Variants in TBC1D14 observed in about 807,000 individuals in gnomAD.
The protein encoded by TBC1D14 is TBC1 domain family, member 14.
TBC1D14 carries 26 observed loss-of-function variants against 79.0 expected under a neutral mutation model. The ratio of observed to expected loss-of-function variants is 0.33; its 90% confidence interval spans 0.24 to 0.46. TBC1D14 has a LOEUF of 0.46. Among genes scored for constraint, TBC1D14 ranks in the 20% least tolerant of loss-of-function variants. The probability of loss-of-function intolerance (pLI) is 1.00; values close to 1 mark genes in which losing one functional copy is unlikely to be tolerated. For missense variants in TBC1D14, 769 were observed against 887.6 expected (o/e 0.87, Z 1.70); for synonymous variants, 394 against 349.9 (o/e 1.13, Z -1.40).
At chr4:6,960,341 C>A (rs1379723891) in intron 2 of TBC1D14, among the ~76,000 whole-genome samples, 5 of 151,996 alleles carry the variant, frequency 3.3e-5, no homozygotes, top group African/African-American at 9.7e-5. Context: ...ATCCGCCCAC[C>A]CCTGCCTCCC....
At chr4:6,956,179 A>C (rs957557391) in intron 2 of TBC1D14, among the ~76,000 whole-genome samples, 1 of 152,256 alleles carries the variant, frequency 6.6e-6, no homozygotes, top group East Asian at 1.9e-4. Context: ...TTCTTAGAGA[A>C]TTCCCCAAAC....
At chr4:6,959,984 A>G (rs1324349823) in intron 2 of TBC1D14, among the ~76,000 whole-genome samples, 1 of 151,888 alleles carries the variant, frequency 6.6e-6, no homozygotes, top group African/African-American at 2.4e-5. Context: ...TAAATTTTTT[A>G]TGAACTTTTT....
At chr4:6,965,927 C>G (rs888539067) in intron 2 of TBC1D14, among the ~76,000 whole-genome samples, 2 of 152,208 alleles carry the variant, frequency 1.3e-5, no homozygotes, top group African/African-American at 4.8e-5. Flanking sequence ...GAGACACTTT[C>G]AAACTGTGTA....
chr4:6,954,321 G>C (rs1219462234), intron 2 of TBC1D14: 1 of 717,374 alleles, frequency 1.4e-6, no homozygotes, highest in African/African-American at 1.7e-5. Flanking sequence ...TCTCCCCTGC[G>C]CTCCTGTTCA....
chr4:6,988,358 T>C (rs1233207940), intron 3 of TBC1D14, among the ~76,000 whole-genome samples: 3 of 152,266 alleles, frequency 2.0e-5, no homozygotes, highest in Non-Finnish European at 2.9e-5. Context: ...CTGCAGCTTA[T>C]GCTGGTTCTC....
At chr4:7,024,326 C>T (rs894028028) in intron 12 of TBC1D14, among the ~76,000 whole-genome samples, 28 of 152,202 alleles carry the variant, frequency 1.8e-4, no homozygotes, top group African/African-American at 6.0e-4. Context: ...ATACTGAACT[C>T]CGTAAGAGAG....
At chr4:6,954,190 T>C (rs1279024925) in intron 2 of TBC1D14, 1 of 676,318 alleles carries the variant, frequency 1.5e-6, no homozygotes, top group East Asian at 2.7e-5. Context: ...GGGCTCCGAG[T>C]GCACCCATGG....
Position 7,010,790 on chromosome 4 carries a change from C to T in TBC1D14, c.1647+9C>T, listed in dbSNP as rs200597249. Reference sequence around the variant, plus strand: ...GAGTGGACCATGGCCTTGTGAGTATCCTCTGTGTTCGGGCCCTGGGTACTG... The same window carrying T: ...GAGTGGACCATGGCCTTGTGAGTATTCTCTGTGTTCGGGCCCTGGGTACTG... On this transcript the variant is annotated intron_variant, in intron 11 of 13. Coordinates refer to ENST00000409757, the MANE Select transcript of TBC1D14 (RefSeq NM_020773.3). 861 of 1,612,508 alleles carry T rather than the reference C, an allele frequency of 5.3e-4. 1 individual carries two copies. The highest frequency in any genetic ancestry group is 1.1e-3 in the Admixed American group (64 of 59,746).
At chr4:6,941,326 C>T (rs1712883963) in intron 2 of TBC1D14, among the ~76,000 whole-genome samples, 2 of 152,004 alleles carry the variant, frequency 1.3e-5, no homozygotes, top group South Asian at 2.1e-4. Context: ...GCTGGGACTA[C>T]AGGCGTCCGC....
chr4:6,923,759 G>A lies in TBC1D14; in HGVS notation c.370G>A (p.Val124Met). Residue 124 changes from valine to methionine, a missense_variant, in exon 2 of 14, where the codon GTG (valine) becomes ATG (methionine). Val to Met is a conservative substitution (Grantham distance 21). This residue lies in a region of TBC1D14 where 402 missense variants were observed against 393.2 expected (regional missense o/e 1.02). Transcript: ENST00000409757. ...TAGCAGCACCGAGCGGGAACAGAGC[G>A]TGCGCAAATCCTCCACGTTTCCCAG... ...APSSTEREQS[V>M]RKSSTFPRTG... 4 of 1,614,036 alleles carry A rather than the reference G, an allele frequency of 2.5e-6. No individual in the cohort carries two copies. The highest frequency in any genetic ancestry group is 1.1e-5 in the South Asian group (1 of 91,086).
intron 12 of TBC1D14, among the ~76,000 whole-genome samples, chr4:7,023,284 A>G (rs1016443953): frequency 6.6e-6 from 1 of 152,016 alleles, no homozygotes; most frequent in Admixed American, 6.6e-5. Flanking sequence ...AACAAAAAAC[A>G]TTGTCGTCTT....
intron 5 of TBC1D14, 144 bp downstream of exon 5, chr4:6,996,551 ATGC>A: frequency 1.6e-6 from 1 of 628,010 alleles, no homozygotes; most frequent in Non-Finnish European, 2.7e-6. Flanking sequence ...AAAAAAAAAG[ATGC>A]ATGCGGAAAG....
chr4:7,026,721 A>T (rs561061142), intron 13 of TBC1D14, among the ~76,000 whole-genome samples: 25 of 152,078 alleles, frequency 1.6e-4, no homozygotes, highest in African/African-American at 6.0e-4. Context: ...ACATAGTGAG[A>T]CCCCGTCTCT....
At chr4:7,012,010 C>T (rs1371057854) in intron 11 of TBC1D14, among the ~76,000 whole-genome samples, 2 of 151,594 alleles carry the variant, frequency 1.3e-5, no homozygotes, top group East Asian at 2.0e-4. Flanking sequence ...TATTTAAAAG[C>T]TGTTGGTTGG....
rs1718789057 is a variant in TBC1D14 at position 6,994,255 on chromosome 4, C to G, written c.915C>G (p.Asp305Glu). ...SPKQNVRKNL[D>E]FEPLSTTALI... ...AGCAGAATGTGAGGAAGAATCTTGACTTTGAACCACTTTCCACCACCGCAC... is the reference window on the plus strand; with the variant it reads ...AGCAGAATGTGAGGAAGAATCTTGAGTTTGAACCACTTTCCACCACCGCAC... The change falls in exon 4 of 14, where the codon GAC (aspartate) becomes GAG (glutamate). Residue 305 changes from aspartate to glutamate, a missense_variant. By Grantham distance (45) the Asp-to-Glu change is conservative. Coordinates refer to ENST00000409757, the MANE Select transcript of TBC1D14 (RefSeq NM_020773.3). 5.6e-6 allele frequency: 9 copies of G among 1,614,192 alleles called. No homozygotes were observed. The highest frequency in any genetic ancestry group is 7.6e-6 in the Non-Finnish European group (9 of 1,180,030).
chr4:6,944,469 C>T (rs1577067434), intron 2 of TBC1D14, among the ~76,000 whole-genome samples: 1 of 152,316 alleles, frequency 6.6e-6, no homozygotes, highest in South Asian at 2.1e-4. Flanking sequence ...GGACTTGCTG[C>T]TTCATGACCA....
At chr4:6,926,670 C>A (rs1183062146) in intron 2 of TBC1D14, among the ~76,000 whole-genome samples, 4 of 152,164 alleles carry the variant, frequency 2.6e-5, no homozygotes, top group African/African-American at 7.2e-5. Context: ...AGAAGAGTTT[C>A]CATGTAGAGT....
intron 3 of TBC1D14, among the ~76,000 whole-genome samples, chr4:6,980,610 C>T (rs1717278787): frequency 1.3e-5 from 2 of 152,058 alleles, no homozygotes; most frequent in Non-Finnish European, 2.9e-5. Flanking sequence ...ATTGATTAAA[C>T]TCTAGCAAAA....
chr4:6,910,661 G>C (rs1388286304), intron 1 of TBC1D14: 1 of 152,146 alleles, frequency 6.6e-6, no homozygotes, highest in Non-Finnish European at 1.5e-5. Flanking sequence ...TGTGGGTTGC[G>C]GTCCTGATGG....
Sources: gnomAD v4.1 joint callset for allele counts (sites outside exome capture counted in the v4.1 genomes callset) on GRCh38, gnomAD v4.1.1 for gene constraint, gnomAD v4.1.1 regional missense constraint, MANE v1.5 for transcripts, NCBI Gene and HGNC (gene_info 2026-07-23, HGNC 2026-07-21) for gene names.